TLK1: variants seen among roughly 807,000 people sequenced by gnomAD.
The protein encoded by TLK1 is serine/threonine-protein kinase tousled-like 1.
Under a neutral mutation model 105.3 loss-of-function variants are expected in TLK1, and 24 were observed. The ratio of observed to expected loss-of-function variants is 0.23; its 90% CI spans 0.17 to 0.32. The LOEUF is 0.32. Among genes scored for constraint, TLK1 ranks in the 10% least tolerant of loss-of-function variants. The pLI, the probability that TLK1 is intolerant of heterozygous loss-of-function variation, is 1.00. For missense variants in TLK1, 558 were observed against 910.5 expected, an observed-to-expected ratio of 0.61 and a Z score of 4.98; for synonymous variants, 321 against 310.4, an observed-to-expected ratio of 1.03 and a Z score of -0.36.
chr2:171,070,253 T>G (rs12465115), intron 3 of TLK1, among the ~76,000 whole-genome samples: 3 of 34,626 alleles, frequency 8.7e-5, no homozygotes, highest in Non-Finnish European at 3.1e-4. Flanking sequence ...TTTGATACAG[T>G]TGTTACAAAC....
chr2:171,182,935 A>AAAAGAAAGAAAGAAAG (rs750018547), intron 1 of TLK1, among the ~76,000 whole-genome samples: 46 of 128,834 alleles, frequency 3.6e-4, no homozygotes, highest in African/African-American at 1.6e-3. Flanking sequence ...AAAAAAAAAA[A>AAAAGAAAGAAAGAAAG]AAAGAAAGAA....
At chr2:171,060,043 G>T in intron 4 of TLK1, 2 of 1,602,848 alleles carry the variant, frequency 1.2e-6, no homozygotes, top group African/African-American at 2.7e-5. Flanking sequence ...TTACTCCAAA[G>T]GAAGGGGGGA....
intron 3 of TLK1, among the ~76,000 whole-genome samples, chr2:171,070,674 T>C (rs1003301311): frequency 1.3e-5 from 2 of 152,272 alleles, no homozygotes; most frequent in Admixed American, 6.5e-5. Flanking sequence ...TCCATTCATC[T>C]GTTGATGGAT....
chr2:171,129,968 C>T (rs193253266), intron 1 of TLK1, among the ~76,000 whole-genome samples: 116 of 152,254 alleles, frequency 7.6e-4, no homozygotes, highest in African/African-American at 2.5e-3. Flanking sequence ...ACCATATCCT[C>T]GTAAGATTCC....
chr2:171,187,082 AAGAAAAAGAAAAAG>A (rs1198727903), intron 1 of TLK1, among the ~76,000 whole-genome samples: 4 of 127,506 alleles, frequency 3.1e-5, no homozygotes, highest in African/African-American at 1.4e-4. Context: ...AAAAAAAAAA[AAGAAAAAGAAAAAG>A]AAAAAGAAAA....
chr2:171,055,194 TTA>T (rs1687438164), intron 6 of TLK1, 22 bp from the exon 7 acceptor site: 1 of 1,282,914 alleles, frequency 7.8e-7, no homozygotes, highest in East Asian at 3.0e-5. Context: ...ATTAAAATTT[TTA>T]TATTAGCAAA....
At position 171,182,961 on chromosome 2, in the gene TLK1, AAGAAAG is replaced by A. The variant is rs932200629; in HGVS notation, c.-6+48178_-6+48183del. On this transcript the variant is annotated intron_variant, in intron 1 of 20. Transcript: ENST00000521943. ...AAAGAAAGAAAGAAAGAAAGAAAGA[AAGAAAG>A]AACATTATTGTGACGCTGGACAAAC... is the stretch of plus-strand genomic sequence containing the variant. 1.1e-4 allele frequency among the ~76,000 whole-genome samples: 16 copies of A among 151,522 alleles called. 1 individual carries two copies. The highest frequency in any genetic ancestry group is 2.1e-4 in the South Asian group (1 of 4,820).
rs752108153 is a variant in TLK1, at chr2:170,993,730, T to A, written c.*50A>T. 4 of 1,352,336 alleles carry A rather than the reference T, an allele frequency of 3.0e-6. No individual in the cohort carries two copies. The South Asian group carries it at 5.6e-5, about 19-fold the overall frequency. The allele number at this position is 1,352,336 out of a possible 1,614,324, so 83.8% of individuals were successfully genotyped here. A position where few individuals can be genotyped will look rare whatever the true frequency, so the allele number is the denominator to read the frequency against. ...ACACTCAAATGCTCTCAAACTTAAG[T>A]GTGCATCTGGAAGCAAATTCAAAGA... On this transcript the variant is annotated 3_prime_UTR_variant, in exon 21 of 21. Coordinates refer to ENST00000431350, the MANE Select transcript of TLK1 (RefSeq NM_012290.5).
chr2:171,057,484 T>C (rs548835433), intron 5 of TLK1, among the ~76,000 whole-genome samples: 89 of 152,050 alleles, frequency 5.9e-4, no homozygotes, highest in Admixed American at 1.1e-3. Context: ...AGTAAGTGAC[T>C]GACCTCAACC....
At position 170,996,638 on chromosome 2, in the gene TLK1, A is replaced by G. The variant is rs1441662205; in HGVS notation, c.2124+15T>C. The G allele has an allele frequency of 3.1e-6, 5 of 1,598,684 alleles. No individual in the cohort carries two copies. The highest frequency in any genetic ancestry group is 4.3e-6 in the Non-Finnish European group (5 of 1,172,762). On this transcript the variant is annotated intron_variant, in intron 20 of 20. Transcript: ENST00000431350. The stretch of plus-strand genomic sequence containing the variant: ...AAAAGTTACTTCACAAAACTCATTT[A>G]CAAAAATTTAATACCTTGGCTTCAC...
intron 1 of TLK1, among the ~76,000 whole-genome samples, chr2:171,193,699 CAT>C (rs1491424357): frequency 0.014 from 1,432 of 103,156 alleles, 151 homozygotes; most frequent in African/African-American, 0.04. Context: ...CAGCGCCTGG[CAT>C]TTTTTTTTTT....
At chr2:171,212,744 T>C (rs1455115452) in intron 1 of TLK1, among the ~76,000 whole-genome samples, 1 of 152,194 alleles carries the variant, frequency 6.6e-6, no homozygotes, top group Non-Finnish European at 1.5e-5. Flanking sequence ...GATGAGAGCT[T>C]GCATTTGGGG....
intron 3 of TLK1, among the ~76,000 whole-genome samples, chr2:171,067,909 A>G (rs1298658801): frequency 6.6e-6 from 1 of 152,108 alleles, no homozygotes; most frequent in Non-Finnish European, 1.5e-5. Flanking sequence ...GCTGAGAATG[A>G]TGGTTTCCAG....
chr2:171,108,932 G>C (rs1361236814), intron 2 of TLK1, among the ~76,000 whole-genome samples: 1 of 151,996 alleles, frequency 6.6e-6, no homozygotes, highest in East Asian at 1.9e-4. Context: ...AAATAAAATA[G>C]AAAACCATAT....
Position 171,066,776 on chromosome 2 carries a change from T to C in TLK1, c.331-5620A>G, listed in dbSNP as rs1688017533. The C allele has an allele frequency of 4.0e-6, 6 of 1,502,740 alleles. No individual in the cohort carries two copies. In the South Asian group the frequency reaches 5.0e-5, roughly 12 times the overall value. The allele number at this position is 1,502,740 out of a possible 1,614,324, so 93.1% of individuals were successfully genotyped here. ...TTCTCTGGCTATCCCTTTAAGGCTT[T>C]ATTTGTTAAACAGTATATACTATAA... On this transcript the variant is annotated intron_variant, in intron 3 of 20. Transcript: ENST00000431350.
intron 20 of TLK1, chr2:170,994,762 G>C (rs1683973587): frequency 2.0e-6 from 1 of 500,520 alleles, no homozygotes; most frequent in African/African-American, 1.9e-5. Context: ...AGTTTTGATT[G>C]TTTGAATTTT....
At chr2:171,139,853 G>A (rs1377185382) in intron 1 of TLK1, among the ~76,000 whole-genome samples, 2 of 152,124 alleles carry the variant, frequency 1.3e-5, no homozygotes, top group African/African-American at 2.4e-5. Flanking sequence ...GATGGTTTCA[G>A]ATGAAACTGT....
At chr2:171,068,316 C>T (rs569383341) in intron 3 of TLK1, among the ~76,000 whole-genome samples, 1 of 151,958 alleles carries the variant, frequency 6.6e-6, no homozygotes, top group African/African-American at 2.4e-5. Context: ...GCAACAAGAG[C>T]AAAACTCCGC....
At chr2:171,185,105 C>G (rs1364916162) in intron 1 of TLK1, among the ~76,000 whole-genome samples, 1 of 152,172 alleles carries the variant, frequency 6.6e-6, no homozygotes. Flanking sequence ...TCCCAAAGTG[C>G]TGGGATTACA....
Sources: allele counts gnomAD v4.1 joint callset (sites outside exome capture counted in the v4.1 genomes callset), GRCh38; gene constraint gnomAD v4.1.1; transcripts MANE v1.5; gene names NCBI Gene and HGNC (gene_info 2026-07-23, HGNC 2026-07-21).